SAMMSON: variants seen among roughly 807,000 people sequenced by gnomAD.
The protein encoded by SAMMSON is survival associated mitochondrial melanoma specific oncogenic non-coding RNA, also known as long intergenic non-protein coding RNA 1212.
chr3:70,317,849 C>T (rs1702505872), intron 7 of SAMMSON, among the ~76,000 whole-genome samples: 1 of 151,704 alleles, frequency 6.6e-6, no homozygotes, highest in South Asian at 2.1e-4. Context: ...GTGACAAACC[C>T]TCTTAAGCTT....
At chr3:70,140,392 C>T in intron 4 of SAMMSON, 1 of 201,690 alleles carries the variant, frequency 5.0e-6, no homozygotes, top group Non-Finnish European at 1.1e-5. Context: ...GTATATCCTT[C>T]CAGTCACAAA....
chr3:70,037,462 A>C (rs757788335), intron 3 of SAMMSON, among the ~76,000 whole-genome samples: 13 of 152,132 alleles, frequency 8.5e-5, no homozygotes, highest in Non-Finnish European at 1.0e-4. Context: ...TCCAGTGCTT[A>C]TCTACAGTAG....
intron 2 of SAMMSON, among the ~76,000 whole-genome samples, chr3:70,427,282 A>G (rs1022484655): frequency 1.3e-5 from 2 of 152,114 alleles, no homozygotes; most frequent in African/African-American, 2.4e-5. Flanking sequence ...TGCTCATTCA[A>G]TTGTTCAATT....
chr3:70,396,785 C>T (rs1356067140), intron 2 of SAMMSON, among the ~76,000 whole-genome samples: 1 of 152,008 alleles, frequency 6.6e-6, no homozygotes, highest in Non-Finnish European at 1.5e-5. Context: ...TTATTTTTTT[C>T]TTACAAGGAG....
At chr3:70,240,457 T>G (rs1038492497) in intron 4 of SAMMSON, among the ~76,000 whole-genome samples, 2 of 152,126 alleles carry the variant, frequency 1.3e-5, no homozygotes, top group Admixed American at 6.6e-5. Context: ...ACACACTATT[T>G]TTTGGTGTTC....
chr3:70,271,398 C>G (rs1257950868), intron 6 of SAMMSON, among the ~76,000 whole-genome samples: 1 of 152,114 alleles, frequency 6.6e-6, no homozygotes, highest in Non-Finnish European at 1.5e-5. Context: ...GGTTCCAGCT[C>G]ACTGGAACCA....
chr3:70,002,726 ACTCTATATGGTTCCAACCTCTT>A (rs1335641254), intron 1 of SAMMSON, among the ~76,000 whole-genome samples: 1 of 151,982 alleles, frequency 6.6e-6, no homozygotes, highest in East Asian at 1.9e-4. Context: ...CAGAGAACAT[ACTCTATATGGTTCCAACCTCTT>A]GAAATTTATT....
intron 8 of SAMMSON, among the ~76,000 whole-genome samples, chr3:70,356,212 T>A (rs1702828282): frequency 6.6e-6 from 1 of 152,126 alleles, no homozygotes; most frequent in Non-Finnish European, 1.5e-5. Context: ...ATTGGCTTTT[T>A]ATAGATTATA....
At chr3:70,143,030 T>G (rs2067534192) in intron 4 of SAMMSON, among the ~76,000 whole-genome samples, 1 of 152,174 alleles carries the variant, frequency 6.6e-6, no homozygotes, top group Non-Finnish European at 1.5e-5. Flanking sequence ...AATGAACCAC[T>G]TAAAGCCTCA....
intron 3 of SAMMSON, among the ~76,000 whole-genome samples, chr3:70,020,720 T>C (rs2067009955): frequency 6.6e-6 from 1 of 152,066 alleles, no homozygotes; most frequent in Non-Finnish European, 1.5e-5. Context: ...TAATTAATAA[T>C]AATAATGATA....
chr3:70,289,374 G>A (rs1337295690), intron 6 of SAMMSON, among the ~76,000 whole-genome samples: 2 of 150,440 alleles, frequency 1.3e-5, no homozygotes, highest in African/African-American at 2.4e-5. Flanking sequence ...CTTTAAGAAT[G>A]TTGAATATTG....
chr3:70,407,804 G>T (rs2106766682), intron 2 of SAMMSON, among the ~76,000 whole-genome samples: 1 of 152,356 alleles, frequency 6.6e-6, no homozygotes, highest in African/African-American at 2.4e-5. Flanking sequence ...GCTCCACTAG[G>T]TGGTGCCCCA....
intron 1 of SAMMSON, among the ~76,000 whole-genome samples, chr3:70,007,762 G>A (rs1352203619): frequency 7.9e-5 from 12 of 152,182 alleles, no homozygotes; most frequent in Admixed American, 7.2e-4. Flanking sequence ...TTTTCTTCTA[G>A]GGTTTTTATG....
chr3:70,338,997 A>G (rs528557984), intron 7 of SAMMSON, among the ~76,000 whole-genome samples: 2 of 152,314 alleles, frequency 1.3e-5, no homozygotes, highest in East Asian at 1.9e-4. Context: ...CCTGACTTCA[A>G]ACTATACTAC....
chr3:70,173,232 C>T (rs1700976941), intron 4 of SAMMSON, among the ~76,000 whole-genome samples: 1 of 151,868 alleles, frequency 6.6e-6, no homozygotes, highest in South Asian at 2.1e-4. Context: ...ACTGTTTCCT[C>T]AAACCATTTA....
At chr3:70,432,734 A>G (rs573592593) in intron 2 of SAMMSON, among the ~76,000 whole-genome samples, 1 of 152,070 alleles carries the variant, frequency 6.6e-6, no homozygotes, top group African/African-American at 2.4e-5. Context: ...TGACAAATGT[A>G]CAATGACATG....
chr3:70,107,118 G>A (rs903430402), intron 4 of SAMMSON, among the ~76,000 whole-genome samples: 2 of 152,196 alleles, frequency 1.3e-5, no homozygotes, highest in African/African-American at 4.8e-5. Context: ...AAACTACGTA[G>A]AGGGGGACCG....
chr3:70,162,860 T>G (rs1332785125), intron 4 of SAMMSON, among the ~76,000 whole-genome samples: 2 of 151,956 alleles, frequency 1.3e-5, no homozygotes, highest in Non-Finnish European at 2.9e-5. Flanking sequence ...ATTTTCCTGT[T>G]GAATTGATTA....
At chr3:70,005,854 T>C (rs2107574850) in intron 1 of SAMMSON, among the ~76,000 whole-genome samples, 1 of 152,300 alleles carries the variant, frequency 6.6e-6, no homozygotes, top group East Asian at 1.9e-4. Flanking sequence ...ACTTGGTCCT[T>C]TCCTTATTGA....
Sources: gnomAD v4.1 joint callset for allele counts (sites outside exome capture counted in the v4.1 genomes callset) on GRCh38, gnomAD v4.1.1 for gene constraint, MANE v1.5 for transcripts, NCBI Gene and HGNC (gene_info 2026-07-23, HGNC 2026-07-21) for gene names.